Variants in CTSK observed in about 807,000 individuals in gnomAD.
The protein encoded by CTSK is cathepsin K.
CTSK carries 26 observed loss-of-function variants against 40.5 expected under a neutral mutation model. The ratio of observed to expected loss-of-function variants is 0.64; its 90% CI spans 0.47 to 0.89. The LOEUF (loss-of-function observed/expected upper bound fraction) is 0.89, where lower values mean the gene tolerates loss of function less well. CTSK is among the 40% of genes least tolerant of loss of function. The pLI is 0.00. For missense variants in CTSK, 292 were observed against 400.1 expected, an observed-to-expected ratio of 0.73 and a Z score of 2.30; for synonymous variants, 132 against 143.2, an observed-to-expected ratio of 0.92 and a Z score of 0.56.
chr1:150,805,638 CAAAAAAAA>C (rs79027279), intron 4 of CTSK, among the ~76,000 whole-genome samples: 1 of 55,000 alleles, frequency 1.8e-5, no homozygotes, highest in East Asian at 5.6e-4. Context: ...GACTCTATCT[CAAAAAAAA>C]AAAAAAAAAA....
rs1213730273 is a variant in CTSK at position 150,804,139 on chromosome 1, A to G, written c.500T>C (p.Leu167Pro). 6.2e-7 allele frequency: 1 copy of G among 1,613,990 alleles called. No homozygotes were observed. The highest frequency in any genetic ancestry group is 8.5e-7 in the Non-Finnish European group (1 of 1,180,018). ...GKLLNLSPQN[L>P]VDCVSENDGC... ...ATCATTCTCAGACACACAATCCACTAGGTTCTGGGGACTCAGATTTAAGAG... is the reference window on the plus strand; with the variant it reads ...ATCATTCTCAGACACACAATCCACTGGGTTCTGGGGACTCAGATTTAAGAG... Residue 167 changes from leucine to proline, a missense_variant, in exon 5 of 8, where the codon CTA becomes CCA. Transcript: ENST00000271651.
In CTSK at chr1:150,805,857, G is replaced by A. The variant is rs762714840; in HGVS notation, c.399+4C>T. 8.1e-6 allele frequency: 13 copies of A among 1,613,850 alleles called. No homozygotes were observed. The East Asian group carries it at 1.1e-4, about 14-fold the overall frequency. Reference sequence around the variant, plus strand: ...ATATGCACACCCAGAAGAAAGGAGAGTACCTGATTTTTGACAGGAGTAACA... The same window carrying A: ...ATATGCACACCCAGAAGAAAGGAGAATACCTGATTTTTGACAGGAGTAACA... On this transcript the variant is annotated splice_donor_region_variant and intron_variant, in intron 4 of 7. Coordinates refer to ENST00000271651, the MANE Select transcript of CTSK (RefSeq NM_000396.4).
Position 150,796,646 on chromosome 1 carries a change from T to C in CTSK, c.*153A>G. On this transcript the variant is annotated 3_prime_UTR_variant, in exon 8 of 8. Coordinates refer to ENST00000271651, the MANE Select transcript of CTSK (RefSeq NM_000396.4). ...AGAGAAGCAAAGTAGGAAGGATCAT[T>C]TGAAGCACAAACAAATGGGGAAACT... The C allele has an allele frequency of 1.3e-6, 1 of 762,874 alleles. No homozygotes were observed. The highest frequency in any genetic ancestry group is 1.4e-5 in the South Asian group (1 of 72,018). 47.3% of individuals were successfully genotyped at this position (762,874 alleles called of 1,614,324 possible).
At chr1:150,807,080 TCA>T (rs1171180978) in intron 1 of CTSK, among the ~76,000 whole-genome samples, 2,889 of 69,526 alleles carry the variant, frequency 0.042, 39 homozygotes, top group African/African-American at 0.05. Flanking sequence ...TCTCTCTCTC[TCA>T]CACACACACA....
intron 5 of CTSK, among the ~76,000 whole-genome samples, chr1:150,801,949 G>T (rs979175266): frequency 5.9e-5 from 9 of 152,004 alleles, no homozygotes; most frequent in African/African-American, 2.2e-4. Flanking sequence ...AAACTTTTAA[G>T]AATCGCTAAG....
At chr1:150,803,331 A>G (rs587599804) in intron 5 of CTSK, among the ~76,000 whole-genome samples, 2 of 152,370 alleles carry the variant, frequency 1.3e-5, no homozygotes, top group South Asian at 4.1e-4. Context: ...ATTAAATGAA[A>G]AAAAGAAAAA....
At chr1:150,804,981 G>A (rs1466719170) in intron 4 of CTSK, among the ~76,000 whole-genome samples, 1 of 152,092 alleles carries the variant, frequency 6.6e-6, no homozygotes, top group East Asian at 1.9e-4. Context: ...GGAGGCCGAA[G>A]CGGGCAGATT....
Position 150,796,456 on chromosome 1 carries a change from C to T in CTSK, c.*343G>A, listed in dbSNP as rs140135152. 221 of 414,318 alleles carry T rather than the reference C, an allele frequency of 5.3e-4. No homozygotes were observed. Among genetic ancestry groups the T allele is most frequent in the African/African-American group, 4.1e-3 (202 of 49,600 alleles). 25.7% of individuals were successfully genotyped at this position (414,318 alleles called of 1,614,324 possible). On this transcript the variant is annotated 3_prime_UTR_variant, in exon 8 of 8. Transcript: ENST00000271651. ...TAGGGTGCTTAAAGCTAACTAGTCC[C>T]GTGAATGAGAATCTAACCTATGTGA...
At chr1:150,807,467 C>A in intron 1 of CTSK, 1 of 439,052 alleles carries the variant, frequency 2.3e-6, no homozygotes, top group South Asian at 1.7e-5. Context: ...AGGCAGGAAA[C>A]TGCCCTAATC....
Position 150,796,736 on chromosome 1 carries a change from G to T in CTSK, c.*63C>A. ...TAGCACACCAACTCCCTTCCAAAGT[G>T]CATCGTTACACTGCACCATCGTGGA... On this transcript the variant is annotated 3_prime_UTR_variant, in exon 8 of 8. Transcript: ENST00000271651. 1 of 1,128,208 alleles carries T rather than the reference G, an allele frequency of 8.9e-7. No homozygotes were observed. The highest frequency in any genetic ancestry group is 1.4e-6 in the Non-Finnish European group (1 of 736,194). The allele number at this position is 1,128,208 out of a possible 1,614,324, so 69.9% of individuals were successfully genotyped here.
chr1:150,804,007 T>C lies in CTSK; in HGVS notation c.618+14A>G, dbSNP rs1654040162. ...GAGCCAACAGAGCTGTATAATTGTG[T>C]GGAGCAATCTCACCTGTCCCACATA... is the stretch of plus-strand genomic sequence containing the variant. On this transcript the variant is annotated intron_variant, in intron 5 of 7. Transcript: ENST00000271651. 6.2e-7 allele frequency: 1 copy of C among 1,606,698 alleles called. No homozygotes were observed.
chr1:150,807,080 TCACACACA>T (rs1171180978), intron 1 of CTSK, among the ~76,000 whole-genome samples: 777 of 69,652 alleles, frequency 0.011, 9 homozygotes, highest in East Asian at 0.02. Context: ...TCTCTCTCTC[TCACACACA>T]CACACACACA....
chr1:150,799,160 A>C lies in CTSK; in HGVS notation c.890+8T>G, dbSNP rs774201583. 2 of 1,563,182 alleles carry C rather than the reference A, an allele frequency of 1.3e-6. No homozygotes were observed. The highest frequency in any genetic ancestry group is 1.4e-5 in the African/African-American group (1 of 74,014). On this transcript the variant is annotated splice_region_variant and intron_variant, in intron 7 of 7. Coordinates refer to ENST00000271651, the MANE Select transcript of CTSK (RefSeq NM_000396.4). ...ACTGAATAACAAAAGTAGTGTTCCCATCATTACCTGTTTTTAATTATCCAG... is the reference window on the plus strand; with the variant it reads ...ACTGAATAACAAAAGTAGTGTTCCCCTCATTACCTGTTTTTAATTATCCAG...
chr1:150,802,957 GA>G (rs1343207015), intron 5 of CTSK, among the ~76,000 whole-genome samples: 2 of 152,158 alleles, frequency 1.3e-5, no homozygotes, highest in Non-Finnish European at 2.9e-5. Context: ...CACTGAAGAA[GA>G]AATGCAAATG....
At chr1:150,801,248 T>G (rs1043384143) in intron 5 of CTSK, among the ~76,000 whole-genome samples, 2 of 151,978 alleles carry the variant, frequency 1.3e-5, no homozygotes, top group African/African-American at 2.4e-5. Flanking sequence ...TGCCTCAGCC[T>G]GCTGGGATTA....
intron 6 of CTSK, 50 bp downstream of exon 6, chr1:150,799,494 C>A (rs1557824609): frequency 6.2e-7 from 1 of 1,606,664 alleles, no homozygotes; most frequent in South Asian, 1.1e-5. Flanking sequence ...GAGAAACCAT[C>A]AAGTTTGTAT....
intron 4 of CTSK, among the ~76,000 whole-genome samples, chr1:150,804,958 T>G (rs1654056262): frequency 6.6e-6 from 1 of 152,162 alleles, no homozygotes; most frequent in African/African-American, 2.4e-5. Context: ...ATGTCTGTAA[T>G]CCTAGCACTT....
At chr1:150,798,905 C>T (rs587754560) in intron 7 of CTSK, among the ~76,000 whole-genome samples, 27 of 152,316 alleles carry the variant, frequency 1.8e-4, no homozygotes, top group Non-Finnish European at 3.2e-4. Flanking sequence ...ACTAGTGCCA[C>T]GCTTTGTATA....
intron 7 of CTSK, among the ~76,000 whole-genome samples, chr1:150,797,987 G>A (rs1046476614): frequency 1.3e-5 from 2 of 152,156 alleles, no homozygotes; most frequent in African/African-American, 4.8e-5. Flanking sequence ...GTCTGTCAGC[G>A]ACCCAGAGTC....
Sources: gnomAD v4.1 joint callset for allele counts (sites outside exome capture counted in the v4.1 genomes callset) on GRCh38, gnomAD v4.1.1 for gene constraint, MANE v1.5 for transcripts, NCBI Gene and HGNC (gene_info 2026-07-23, HGNC 2026-07-21) for gene names.